The following GDPD5 variants were observed in gnomAD, a reference collection of about 807,000 sequenced individuals.
The protein encoded by GDPD5 is glycerophosphodiester phosphodiesterase domain containing 5.
GDPD5 carries 48 observed loss-of-function variants against 75.1 expected under a neutral mutation model. The ratio of observed to expected loss-of-function variants is 0.64; its 90% confidence interval spans 0.51 to 0.81. The LOEUF (loss-of-function observed/expected upper bound fraction) is 0.81, where lower values mean the gene tolerates loss of function less well. Ranked by LOEUF, GDPD5 falls within the 40% of genes least tolerant of loss-of-function variation. The pLI, the probability that GDPD5 is intolerant of heterozygous loss-of-function variation, is 0.00. For missense variants in GDPD5, 706 were observed against 822.6 expected (o/e 0.86, Z 1.73); for synonymous variants, 336 against 339.0 (o/e 0.99, Z 0.10).
At chr11:75,440,933 A>G (rs1948778211) in intron 14 of GDPD5, among the ~76,000 whole-genome samples, 1 of 152,162 alleles carries the variant, frequency 6.6e-6, no homozygotes, top group Non-Finnish European at 1.5e-5. Context: ...TAGAGCCCTT[A>G]GTGATGCTTT....
intron 1 of GDPD5, among the ~76,000 whole-genome samples, chr11:75,520,848 G>A (rs977094450): frequency 2.0e-5 from 3 of 152,190 alleles, no homozygotes; most frequent in African/African-American, 4.8e-5. Context: ...CTCCAGTCCC[G>A]CCAACTTGGC....
chr11:75,451,901 C>T (rs1332860966), intron 6 of GDPD5: 1 of 152,244 alleles, frequency 6.6e-6, no homozygotes, highest in Admixed American at 6.5e-5. Context: ...TAAGTTATAG[C>T]AATAGCACTG....
chr11:75,476,812 C>T (rs1199285876), intron 3 of GDPD5, among the ~76,000 whole-genome samples: 2 of 152,162 alleles, frequency 1.3e-5, no homozygotes, highest in Non-Finnish European at 2.9e-5. Flanking sequence ...TAAGCTTCCC[C>T]GACCTCCCCA....
At chr11:75,474,724 A>G (rs1592110272) in intron 3 of GDPD5, among the ~76,000 whole-genome samples, 3 of 152,082 alleles carry the variant, frequency 2.0e-5, no homozygotes, top group Admixed American at 2.0e-4. Flanking sequence ...CTCTCCACGC[A>G]CCCTCTCCAC....
rs754486109 is a variant in GDPD5 at position 75,441,302 on chromosome 11, G to T, written c.1334C>A (p.Ala445Glu). Residue 445 changes from alanine to glutamate, a missense_variant, in exon 14 of 17, where the codon GCG (alanine) becomes GAG (glutamate). Transcript: ENST00000336898. The part of the protein sequence containing the change: ...QVSRQELRDY[A>E]SWNLSVNLYT... ...GAGGTTCACACTCAGGTTCCAGGACGCGTAGTCCCTGTGGGGCAGGGGAGA... is the reference window on the plus strand; with the variant it reads ...GAGGTTCACACTCAGGTTCCAGGACTCGTAGTCCCTGTGGGGCAGGGGAGA... 6.2e-7 allele frequency: 1 copy of T among 1,614,130 alleles called. No homozygotes were observed.
chr11:75,525,112 C>T (rs1941618028), intron 1 of GDPD5, 98 bp downstream of exon 1: 1 of 152,482 alleles, frequency 6.6e-6, no homozygotes, highest in Non-Finnish European at 1.5e-5. Context: ...CCAGCCAGTT[C>T]CAGCCTCTGC....
intron 1 of GDPD5, among the ~76,000 whole-genome samples, chr11:75,520,214 G>A (rs1950728352): frequency 6.6e-6 from 1 of 152,230 alleles, no homozygotes; most frequent in South Asian, 2.1e-4. Context: ...TCTTCCATCA[G>A]CTTCTTACTG....
At chr11:75,462,593 C>T (rs747256253) in intron 4 of GDPD5, among the ~76,000 whole-genome samples, 193 bp downstream of exon 4, 16 of 152,058 alleles carry the variant, frequency 1.1e-4, no homozygotes, top group Non-Finnish European at 2.1e-4. Context: ...ACACCAGCCT[C>T]CTCACCAAAG....
chr11:75,467,195 T>C (rs1226670540), intron 3 of GDPD5, among the ~76,000 whole-genome samples: 1 of 152,238 alleles, frequency 6.6e-6, no homozygotes, highest in East Asian at 1.9e-4. Flanking sequence ...GAGCTGGCTC[T>C]GCCACTCAGC....
chr11:75,512,806 G>A (rs1950553957), intron 1 of GDPD5, among the ~76,000 whole-genome samples: 2 of 151,826 alleles, frequency 1.3e-5, no homozygotes, highest in Admixed American at 6.6e-5. Flanking sequence ...TCCCAGCTAT[G>A]TGGGAGGCCG....
Position 75,442,497 on chromosome 11 carries a change from G to A in GDPD5, c.1033C>T (p.Leu345Phe). Residue 345 changes from leucine to phenylalanine, a missense_variant, in exon 12 of 17, where the codon CTC becomes TTC. By Grantham distance (22) the Leu-to-Phe change is conservative. Coordinates refer to ENST00000336898, the MANE Select transcript of GDPD5 (RefSeq NM_030792.8). ...QNQSICSLAE[L>F]LELAKGNATL... ...GCATTGCCCTTGGCCAGCTCCAGGA[G>A]CTCTGCCAGGCTGCAGATGGACTGG... is the stretch of plus-strand genomic sequence containing the variant. 6.2e-7 allele frequency: 1 copy of A among 1,614,056 alleles called. No individual in the cohort carries two copies. Among genetic ancestry groups the A allele is most frequent in the Non-Finnish European group, 8.5e-7 (1 of 1,179,986 alleles).
chr11:75,521,097 G>A (rs900817813), intron 1 of GDPD5, among the ~76,000 whole-genome samples: 1 of 152,222 alleles, frequency 6.6e-6, no homozygotes, highest in African/African-American at 2.4e-5. Context: ...GAAAGCTGGA[G>A]CTACAGGGGA....
intron 3 of GDPD5, among the ~76,000 whole-genome samples, chr11:75,471,321 G>C (rs1949659715): frequency 6.6e-6 from 1 of 152,162 alleles, no homozygotes. Flanking sequence ...GCAGCATTAG[G>C]GCCGAGCAGG....
At chr11:75,461,647 C>T (rs895988242) in intron 4 of GDPD5, among the ~76,000 whole-genome samples, 1 of 152,220 alleles carries the variant, frequency 6.6e-6, no homozygotes, top group African/African-American at 2.4e-5. Context: ...GCTTTGAGCC[C>T]TGTTGTGTCC....
chr11:75,455,032 G>A (rs1949254299), intron 6 of GDPD5, among the ~76,000 whole-genome samples: 2 of 152,160 alleles, frequency 1.3e-5, no homozygotes, highest in African/African-American at 4.8e-5. Context: ...CACCTGAAAG[G>A]ACCCTGCTCA....
chr11:75,522,935 C>T (rs1370154235), intron 1 of GDPD5, among the ~76,000 whole-genome samples: 1 of 152,042 alleles, frequency 6.6e-6, no homozygotes, highest in Non-Finnish European at 1.5e-5. Flanking sequence ...CCCAAGCAGA[C>T]TGATTCTAGA....
chr11:75,480,377 A>C (rs975525341), intron 2 of GDPD5, among the ~76,000 whole-genome samples: 1 of 151,774 alleles, frequency 6.6e-6, no homozygotes, highest in Non-Finnish European at 1.5e-5. Flanking sequence ...TTTGTTTTTG[A>C]GATAAGGTCT....
At chr11:75,472,775 G>A (rs1224848574) in intron 3 of GDPD5, among the ~76,000 whole-genome samples, 2 of 152,148 alleles carry the variant, frequency 1.3e-5, no homozygotes, top group Non-Finnish European at 2.9e-5. Context: ...CTCTGAGTCA[G>A]GTCCCTGGAG....
chr11:75,521,585 T>C (rs1476064624), intron 1 of GDPD5, among the ~76,000 whole-genome samples: 1 of 152,144 alleles, frequency 6.6e-6, no homozygotes, highest in Non-Finnish European at 1.5e-5. Context: ...ATCACTGTAG[T>C]ATTGTGTGGA....
Sources: allele counts gnomAD v4.1 joint callset (sites outside exome capture counted in the v4.1 genomes callset), GRCh38; gene constraint gnomAD v4.1.1; transcripts MANE v1.5; gene names NCBI Gene and HGNC (gene_info 2026-07-23, HGNC 2026-07-21).